CACNA1A: variants seen among roughly 807,000 people sequenced by gnomAD.
CACNA1A encodes calcium voltage-gated channel subunit alpha1 A, also known as voltage-dependent P/Q-type calcium channel subunit alpha-1A.
In CACNA1A, 57 loss-of-function variants were observed where a neutral mutation model predicts 262.4. That is an observed-to-expected ratio of 0.22 (90% CI 0.18 to 0.27). The LOEUF (loss-of-function observed/expected upper bound fraction) is 0.27. CACNA1A is among the 10% of genes least tolerant of loss of function. The pLI is 1.00. For missense variants in CACNA1A, 2,526 were observed against 3,562.8 expected, an observed-to-expected ratio of 0.71 and a Z score of 7.41; for synonymous variants, 1,431 against 1,419.3, an observed-to-expected ratio of 1.01 and a Z score of -0.18.
intron 6 of CACNA1A, among the ~76,000 whole-genome samples, chr19:13,347,071 T>G (rs1318168588): frequency 6.7e-6 from 1 of 149,192 alleles, no homozygotes; most frequent in Non-Finnish European, 1.5e-5. Context: ...TTTTTTGTTT[T>G]TTTTTTTTGA....
At position 13,440,088 on chromosome 19, in the gene CACNA1A, T is replaced by G. The variant is rs930976035; in HGVS notation, c.539+12788A>C. 2.6e-5 allele frequency among the ~76,000 whole-genome samples: 4 copies of G among 152,062 alleles called. 1 individual carries two copies. The highest frequency in any genetic ancestry group is 2.6e-4 in the Admixed American group (4 of 15,244). On this transcript the variant is annotated intron_variant, in intron 3 of 46. Transcript: ENST00000360228. ...AATCCTCCTGCCTCAGCCTCCTGAG[T>G]AGCGGGGACTACAAGCCTGTGCTAC...
At chr19:13,269,102 T>C (rs887038998) in intron 24 of CACNA1A, among the ~76,000 whole-genome samples, 26 of 152,236 alleles carry the variant, frequency 1.7e-4, no homozygotes, top group African/African-American at 6.0e-4. Flanking sequence ...GCTCAAGTGA[T>C]TCTCCCACCT....
intron 36 of CACNA1A, chr19:13,228,848 C>A: frequency 1.9e-6 from 2 of 1,038,506 alleles, no homozygotes; most frequent in Non-Finnish European, 2.9e-6. Context: ...CACGGGCTCC[C>A]TGGGCACACA....
intron 3 of CACNA1A, among the ~76,000 whole-genome samples, chr19:13,411,714 C>G (rs569145359): frequency 6.6e-6 from 1 of 151,424 alleles, no homozygotes; most frequent in Admixed American, 6.6e-5. Flanking sequence ...CTCTCTCTCT[C>G]CCCATTCTCC....
chr19:13,446,388 G>T (rs2060812792), intron 3 of CACNA1A, among the ~76,000 whole-genome samples: 1 of 151,432 alleles, frequency 6.6e-6, no homozygotes, highest in Admixed American at 6.6e-5. Context: ...ATTGACATTG[G>T]CAGAAGGCTA....
chr19:13,483,348 TTGTTACA>T (rs1568692406), intron 1 of CACNA1A, among the ~76,000 whole-genome samples: 4 of 152,132 alleles, frequency 2.6e-5, no homozygotes, highest in East Asian at 1.9e-4. Flanking sequence ...TGGGGGTTGC[TTGTTACA>T]GCAGCAAGCA....
At chr19:13,485,391 T>C (rs1979851657) in intron 1 of CACNA1A, among the ~76,000 whole-genome samples, 1 of 151,996 alleles carries the variant, frequency 6.6e-6, no homozygotes, top group Admixed American at 6.5e-5. Flanking sequence ...ATCAACCACA[T>C]CAAAATTAAG....
intron 1 of CACNA1A, among the ~76,000 whole-genome samples, chr19:13,459,733 C>T (rs2144970767): frequency 6.6e-6 from 1 of 152,344 alleles, no homozygotes; most frequent in South Asian, 2.1e-4. Context: ...ACACGCGCTT[C>T]TGCCATCCCA....
chr19:13,375,094 A>G (rs1429889351), intron 3 of CACNA1A, among the ~76,000 whole-genome samples: 1 of 152,084 alleles, frequency 6.6e-6, no homozygotes, highest in African/African-American at 2.4e-5. Flanking sequence ...TTTTTCCAAC[A>G]GCGTGTGCTC....
chr19:13,206,555 G>A lies in CACNA1A; in HGVS notation c.*758C>T, dbSNP rs538000101. ...GGAAAAAAGGAAAAAAGAAGCAAAG[G>A]AATCGGTGGTGATGGTGGGTTTTTC... On this transcript the variant is annotated 3_prime_UTR_variant, in exon 47 of 47. Coordinates refer to ENST00000360228, the MANE Select transcript of CACNA1A (RefSeq NM_001127222.2). 2.1e-4 allele frequency: 33 copies of A among 153,820 alleles called. No individual in the cohort carries two copies. Among genetic ancestry groups the A allele is most frequent in the African/African-American group, 6.7e-4 (28 of 41,548 alleles). 9.5% of individuals were successfully genotyped at this position (153,820 alleles called of 1,614,324 possible). A position where few individuals can be genotyped will look rare whatever the true frequency, so the allele number is the denominator to read the frequency against.
chr19:13,336,033 G>A, intron 6 of CACNA1A, 124 bp from the exon 7 acceptor site: 1 of 590,252 alleles, frequency 1.7e-6, no homozygotes, highest in Non-Finnish European at 3.0e-6. Context: ...GGCTTGTGGA[G>A]TTCTGGGGCT....
chr19:13,298,544 T>A lies in CACNA1A; in HGVS notation c.3089A>T (p.Lys1030Ile), dbSNP rs2057717701. The change falls in exon 19 of 47, where the codon AAA (lysine) becomes ATA (isoleucine). Residue 1030 changes from lysine (K) to isoleucine (I), a missense_variant and splice_region_variant. Coordinates refer to ENST00000360228, the MANE Select transcript of CACNA1A (RefSeq NM_001127222.2). ...EDKERRHRRR[K>I]ENQGSGVPVS... is the part of the protein sequence containing the mutation. ...CGGATTCGAGGTCACCTCCACTTAC[T>A]TCCTCCTCCGATGCCTCCGCTCCTT... The A allele has an allele frequency of 6.5e-7, 1 of 1,540,938 alleles. No individual in the cohort carries two copies. The highest frequency in any genetic ancestry group is 1.4e-5 in the African/African-American group (1 of 71,426).
intron 1 of CACNA1A, among the ~76,000 whole-genome samples, chr19:13,457,771 T>C (rs902015616): frequency 2.0e-5 from 3 of 150,742 alleles, no homozygotes; most frequent in African/African-American, 4.9e-5. Context: ...GAGGATTGCT[T>C]GAACCCGGGA....
rs2057731363 is a variant in CACNA1A, at chr19:13,298,954, C to A, written c.2679G>T (p.Arg893=). ...CCGACTCGCGGCCGTAGGGTCCCTC[C>A]CGGCTCAGCTCGGCCTCCTGGCTTC... ...WAGSQEAELS[R]EGPYGRESDH... The change falls in exon 19 of 47, where the codon CGG becomes CGT. Residue 893 remains arginine, a synonymous_variant. Coordinates refer to ENST00000360228, the MANE Select transcript of CACNA1A (RefSeq NM_001127222.2). The A allele has an allele frequency of 6.3e-7, 1 of 1,589,880 alleles. No homozygotes were observed. Among genetic ancestry groups the A allele is most frequent in the Admixed American group, 1.7e-5 (1 of 58,844 alleles).
chr19:13,294,245 A>G (rs1015278284), intron 19 of CACNA1A, among the ~76,000 whole-genome samples: 3 of 151,822 alleles, frequency 2.0e-5, no homozygotes, highest in African/African-American at 7.3e-5. Context: ...ATAAACCAAC[A>G]AACTAAAGGC....
chr19:13,232,530 G>A (rs1401247371), intron 34 of CACNA1A, among the ~76,000 whole-genome samples: 3 of 151,730 alleles, frequency 2.0e-5, no homozygotes, highest in Non-Finnish European at 4.4e-5. Flanking sequence ...AGGAGATTGA[G>A]ACCATCCTGG....
Position 13,227,514 on chromosome 19 carries a change from A to G in CACNA1A, c.5542T>C (p.Tyr1848His). Residue 1848 changes from tyrosine to histidine, a missense_variant, in exon 37 of 47, where the codon TAC becomes CAC. This residue lies in a region of CACNA1A where 112 missense variants were observed against 197.2 expected (regional missense o/e 0.57). Coordinates refer to ENST00000360228, the MANE Select transcript of CACNA1A (RefSeq NM_001127222.2). Reference sequence around the variant, plus strand: ...CTCAGCATCTGATACATGTCCAGGTAAGGCATGCGGCCCCTGGCAGCACCG... The same window carrying G: ...CTCAGCATCTGATACATGTCCAGGTGAGGCATGCGGCCCCTGGCAGCACCG... ...YDPAAWGRMP[Y>H]LDMYQMLRHM... 1 of 1,589,180 alleles carries G rather than the reference A, an allele frequency of 6.3e-7. No individual in the cohort carries two copies. The highest frequency in any genetic ancestry group is 8.6e-7 in the Non-Finnish European group (1 of 1,166,038).
chr19:13,382,075 G>A (rs1038407318), intron 3 of CACNA1A, among the ~76,000 whole-genome samples: 2 of 152,098 alleles, frequency 1.3e-5, no homozygotes, highest in Admixed American at 6.6e-5. Flanking sequence ...AGGTTGTGCT[G>A]GATGCAGTGA....
chr19:13,338,139 C>T (rs1393725729), intron 6 of CACNA1A, among the ~76,000 whole-genome samples: 1 of 152,072 alleles, frequency 6.6e-6, no homozygotes, highest in African/African-American at 2.4e-5. Flanking sequence ...GGCGTGAACC[C>T]AGAAGGCGGA....
Sources: allele counts gnomAD v4.1 joint callset (sites outside exome capture counted in the v4.1 genomes callset), GRCh38; gene constraint gnomAD v4.1.1; regional missense constraint gnomAD v4.1.1; transcripts MANE v1.5; gene names NCBI Gene and HGNC (gene_info 2026-07-23, HGNC 2026-07-21).